LINGO2: variants seen among roughly 807,000 people sequenced by gnomAD.
LINGO2 encodes the protein leucine rich repeat and Ig domain containing 2, also known as leucine-rich repeat and immunoglobulin-like domain-containing nogo receptor-interacting protein 2.
In LINGO2, 14 loss-of-function variants were observed where a neutral mutation model predicts 30.6. The ratio of observed to expected loss-of-function variants is 0.46; its 90% CI spans 0.30 to 0.72. The LOEUF (loss-of-function observed/expected upper bound fraction) is 0.72. Among genes scored for constraint, LINGO2 ranks in the 30% least tolerant of loss-of-function variants. LINGO2 has a pLI of 0.07. For missense variants in LINGO2, 729 were observed against 751.7 expected, an observed-to-expected ratio of 0.97 and a Z score of 0.35; for synonymous variants, 317 against 288.5, an observed-to-expected ratio of 1.10 and a Z score of -1.00.
At chr9:28,986,042 G>A in the LINGO2 span, among the ~76,000 whole-genome samples, 1 of 151,912 alleles carries the variant, frequency 6.6e-6, no homozygotes, top group South Asian at 2.1e-4. Flanking sequence ...TGTGTATGTT[G>A]TGAGATGAGT....
the LINGO2 span, among the ~76,000 whole-genome samples, chr9:29,055,417 T>C: frequency 6.6e-6 from 1 of 152,174 alleles, no homozygotes; most frequent in African/African-American, 2.4e-5. Context: ...TTCCACTCCG[T>C]GCATATCACC....
chr9:28,490,501 C>G (rs1223610787), intron 1 of LINGO2, among the ~76,000 whole-genome samples: 1 of 152,128 alleles, frequency 6.6e-6, no homozygotes, highest in Non-Finnish European at 1.5e-5. Context: ...AAACAATTTG[C>G]ACAGAGTCAT....
rs779592232 is a variant in LINGO2, at chr9:27,950,712, T to A, written c.-35-6A>T. On this transcript the variant is annotated splice_polypyrimidine_tract_variant and splice_region_variant and intron_variant, in intron 5 of 5. Coordinates refer to ENST00000379992, the Ensembl canonical transcript of LINGO2. ...TCTACACCTTGGTCACGGGTCTGCA[T>A]GGAAGGGACACAAGAAGGGAGGAAG... 1.4e-6 allele frequency: 2 copies of A among 1,455,850 alleles called. No homozygotes were observed. The highest frequency in any genetic ancestry group is 5.0e-5 in the Admixed American group (2 of 39,954). 90.2% of individuals were successfully genotyped at this position (1,455,850 alleles called of 1,614,324 possible).
chr9:29,015,085 T>C, the LINGO2 span, among the ~76,000 whole-genome samples: 27 of 152,088 alleles, frequency 1.8e-4, 1 homozygote, highest in Non-Finnish European at 1.5e-5. Flanking sequence ...TGGAGTATAA[T>C]TGGATTTAAT....
the LINGO2 span, among the ~76,000 whole-genome samples, chr9:28,707,565 A>G: frequency 3.3e-5 from 5 of 152,238 alleles, no homozygotes; most frequent in African/African-American, 1.2e-4. Context: ...ATTCAGCTAC[A>G]GTGAAAACTG....
At chr9:27,960,919 A>G (rs1819812676) in intron 5 of LINGO2, among the ~76,000 whole-genome samples, 1 of 151,806 alleles carries the variant, frequency 6.6e-6, no homozygotes, top group African/African-American at 2.4e-5. Flanking sequence ...ACTATGTTTT[A>G]TTACTTATTT....
the LINGO2 span, among the ~76,000 whole-genome samples, chr9:29,089,762 T>G: frequency 3.3e-5 from 5 of 152,186 alleles, no homozygotes; most frequent in African/African-American, 1.2e-4. Context: ...TGCTTATTGG[T>G]TTTTATCTGC....
At chr9:28,183,602 G>C (rs1819436812) in intron 4 of LINGO2, among the ~76,000 whole-genome samples, 1 of 152,056 alleles carries the variant, frequency 6.6e-6, no homozygotes, top group Non-Finnish European at 1.5e-5. Context: ...TTAAGTAGTG[G>C]CAGAGCCCTC....
chr9:28,045,391 CTAA>C (rs1824374729), intron 4 of LINGO2, among the ~76,000 whole-genome samples: 1 of 152,110 alleles, frequency 6.6e-6, no homozygotes, highest in African/African-American at 2.4e-5. Context: ...TCCGAATTAC[CTAA>C]TAAGAATCAA....
chr9:28,475,329 T>G (rs2135189342), intron 2 of LINGO2, among the ~76,000 whole-genome samples: 1 of 152,310 alleles, frequency 6.6e-6, no homozygotes, highest in South Asian at 2.1e-4. Flanking sequence ...TTTTATACTT[T>G]TTGTATAAAT....
At chr9:28,013,278 C>A (rs750180395) in intron 4 of LINGO2, among the ~76,000 whole-genome samples, 1 of 152,150 alleles carries the variant, frequency 6.6e-6, no homozygotes, top group Non-Finnish European at 1.5e-5. Flanking sequence ...ATTCTTCACT[C>A]TTATTCACCT....
the LINGO2 span, among the ~76,000 whole-genome samples, chr9:28,724,270 A>G: frequency 3.3e-5 from 5 of 152,096 alleles, no homozygotes; most frequent in African/African-American, 9.7e-5. Context: ...TCCTGTTTAC[A>G]CCCCCATGAG....
chr9:28,025,978 A>G (rs1009405253), intron 4 of LINGO2, among the ~76,000 whole-genome samples: 23 of 152,206 alleles, frequency 1.5e-4, no homozygotes, highest in Admixed American at 2.6e-4. Flanking sequence ...GATGAAGACC[A>G]AGGAGGCTGC....
the LINGO2 span, among the ~76,000 whole-genome samples, chr9:29,142,022 C>T: frequency 0.24 from 36,967 of 151,498 alleles, 4,692 homozygotes; most frequent in East Asian, 0.44. Flanking sequence ...AGTGAGAAAA[C>T]AGAATACCTG....
At chr9:28,179,689 T>C (rs1019499407) in intron 4 of LINGO2, among the ~76,000 whole-genome samples, 1 of 145,058 alleles carries the variant, frequency 6.9e-6, no homozygotes, top group Non-Finnish European at 1.5e-5. Context: ...CTATATATAC[T>C]ATAGTATATA....
the LINGO2 span, among the ~76,000 whole-genome samples, chr9:28,913,013 G>A: frequency 5.3e-4 from 81 of 151,876 alleles, no homozygotes; most frequent in African/African-American, 1.8e-3. Context: ...TTATGGTGGC[G>A]GTGTTGAAAG....
At chr9:28,641,075 C>G (rs994351836) in intron 1 of LINGO2, among the ~76,000 whole-genome samples, 3 of 152,028 alleles carry the variant, frequency 2.0e-5, no homozygotes, top group Non-Finnish European at 4.4e-5. Flanking sequence ...ACTCTGTCGC[C>G]CAGGCTGGAG....
chr9:29,006,741 A>G, the LINGO2 span, among the ~76,000 whole-genome samples: 1 of 152,176 alleles, frequency 6.6e-6, no homozygotes, highest in South Asian at 2.1e-4. Flanking sequence ...TAAGCATAGT[A>G]CAGTCGTATC....
At chr9:27,954,760 G>C (rs964431140) in intron 5 of LINGO2, among the ~76,000 whole-genome samples, 1 of 152,138 alleles carries the variant, frequency 6.6e-6, no homozygotes, top group Non-Finnish European at 1.5e-5. Flanking sequence ...TGGACTTACA[G>C]TCCCAGCAGT....
Sources: allele counts gnomAD v4.1 joint callset (sites outside exome capture counted in the v4.1 genomes callset), GRCh38; gene constraint gnomAD v4.1.1; transcripts MANE v1.5; gene names NCBI Gene and HGNC (gene_info 2026-07-23, HGNC 2026-07-21).